Variants in RGS7 observed in about 807,000 individuals in gnomAD.
The protein encoded by RGS7 is regulator of G protein signaling 7, also known as regulator of G-protein signaling 7.
RGS7 carries 27 observed loss-of-function variants against 81.1 expected under a neutral mutation model. That is an observed-to-expected ratio of 0.33 (90% CI 0.25 to 0.46). The LOEUF (loss-of-function observed/expected upper bound fraction) is 0.46, where lower values mean the gene tolerates loss of function less well. Ranked by LOEUF, RGS7 falls within the 20% of genes least tolerant of loss-of-function variation. The pLI, the probability that RGS7 is intolerant of heterozygous loss-of-function variation, is 1.00. For synonymous variants in RGS7, 208 were observed against 207.7 expected (o/e 1.00, Z -0.01); for missense variants, 396 against 607.4 (o/e 0.65, Z 3.66).
At chr1:240,814,168 T>C (rs934273635) in intron 12 of RGS7, among the ~76,000 whole-genome samples, 1 of 152,188 alleles carries the variant, frequency 6.6e-6, no homozygotes, top group African/African-American at 2.4e-5. Context: ...GTTTTTTAAA[T>C]GTATATAAAA....
intron 2 of RGS7, among the ~76,000 whole-genome samples, chr1:241,154,882 G>A (rs1249948308): frequency 6.6e-6 from 1 of 151,866 alleles, no homozygotes; most frequent in East Asian, 1.9e-4. Flanking sequence ...AACGGTGAGA[G>A]CAACCTGCAA....
intron 3 of RGS7, among the ~76,000 whole-genome samples, chr1:241,087,809 C>T (rs1481604912): frequency 2.0e-5 from 3 of 151,632 alleles, no homozygotes; most frequent in East Asian, 1.9e-4. Flanking sequence ...ATTAGCTGGG[C>T]GTGGCAGTGC....
At chr1:241,157,821 CTTTTTTT>C (rs67249227) in intron 2 of RGS7, among the ~76,000 whole-genome samples, 1 of 94,714 alleles carries the variant, frequency 1.1e-5, no homozygotes, top group East Asian at 5.0e-4. Flanking sequence ...CTTTTCTTTT[CTTTTTTT>C]TTTTTTTTGA....
At chr1:240,937,091 C>A (rs1313524294) in intron 4 of RGS7, among the ~76,000 whole-genome samples, 1 of 152,164 alleles carries the variant, frequency 6.6e-6, no homozygotes, top group Non-Finnish European at 1.5e-5. Context: ...AAACGGACAG[C>A]CTCTCCCTTC....
At chr1:240,882,713 T>C (rs1666615443) in intron 6 of RGS7, among the ~76,000 whole-genome samples, 1 of 152,174 alleles carries the variant, frequency 6.6e-6, no homozygotes, top group Non-Finnish European at 1.5e-5. Flanking sequence ...TCCATTTTTT[T>C]TCATTTCTGA....
intron 4 of RGS7, among the ~76,000 whole-genome samples, chr1:240,968,607 A>T (rs2148500242): frequency 6.6e-6 from 1 of 152,180 alleles, no homozygotes; most frequent in Non-Finnish European, 1.5e-5. Context: ...TTAAAGGGGA[A>T]TTTTCAAAAT....
At chr1:240,978,851 G>A (rs1202450593) in intron 4 of RGS7, among the ~76,000 whole-genome samples, 4 of 152,092 alleles carry the variant, frequency 2.6e-5, no homozygotes, top group African/African-American at 9.7e-5. Flanking sequence ...AAACCCTCAG[G>A]AAAGCACTAA....
At chr1:240,805,013 T>C (rs1220523339) in intron 15 of RGS7, among the ~76,000 whole-genome samples, 1 of 152,196 alleles carries the variant, frequency 6.6e-6, no homozygotes, top group East Asian at 1.9e-4. Flanking sequence ...TTAGAATTAA[T>C]ATTCTTCTCC....
In RGS7 at chr1:240,833,987, C is replaced by A. The variant is rs111871275; in HGVS notation, c.610-6815G>T. Among the ~76,000 whole-genome samples, 715 of 152,222 alleles carry A rather than the reference C, an allele frequency of 4.7e-3. 9 individuals carry two copies. Among genetic ancestry groups the A allele is most frequent in the African/African-American group, 0.017 (693 of 41,534 alleles). ...TTTTTAGTAGAGACAGGGTCTTGCT[C>A]CGTTGCCCAGGCTGGTCTCCAACTC... On this transcript the variant is annotated intron_variant, in intron 9 of 18. Transcript: ENST00000440928.
At chr1:241,074,790 T>G (rs2502411) in intron 3 of RGS7, among the ~76,000 whole-genome samples, 4,075 of 152,220 alleles carry the variant, frequency 0.027, 185 homozygotes, top group African/African-American at 0.093. Context: ...CAAGGAAATG[T>G]TGCCAGGAAA....
At chr1:241,202,554 C>T (rs761452216) in intron 2 of RGS7, among the ~76,000 whole-genome samples, 2 of 152,066 alleles carry the variant, frequency 1.3e-5, no homozygotes, top group African/African-American at 2.4e-5. Flanking sequence ...TGTTGAAACA[C>T]GATTGGGCAA....
rs547594458 is a variant in RGS7 at position 241,163,708 on chromosome 1, T to C, written c.79-64946A>G. On this transcript the variant is annotated intron_variant, in intron 2 of 18. Transcript: ENST00000440928. The surrounding 1 kb of genome is among the most constrained non-coding windows in gnomAD (Gnocchi z 4.6). The stretch of plus-strand genomic sequence containing the variant: ...CCCCATTCTTTCTGCAACCTCAAGA[T>C]GGTACATAAGCTTCTGAACCCCACT... 6.6e-6 allele frequency among the ~76,000 whole-genome samples: 1 copy of C among 152,304 alleles called. No individual in the cohort carries two copies. The highest frequency in any genetic ancestry group is 6.5e-5 in the Admixed American group (1 of 15,284).
intron 18 of RGS7, among the ~76,000 whole-genome samples, chr1:240,793,710 C>T (rs868580230): frequency 5.4e-5 from 8 of 149,498 alleles, no homozygotes; most frequent in African/African-American, 9.9e-5. Context: ...TCCCGGTTCA[C>T]GCCATTCTCC....
chr1:241,019,710 C>A (rs1027640170), intron 3 of RGS7, among the ~76,000 whole-genome samples: 1 of 152,184 alleles, frequency 6.6e-6, no homozygotes, highest in African/African-American at 2.4e-5. Flanking sequence ...TGGCTGCATA[C>A]TATTCTATGG....
chr1:241,224,063 A>AAC (rs1553290931), intron 2 of RGS7, among the ~76,000 whole-genome samples: 1 of 147,022 alleles, frequency 6.8e-6, no homozygotes, highest in Non-Finnish European at 1.5e-5. Context: ...ACTGGTGACC[A>AAC]ATATATATAT....
At chr1:240,962,316 C>T (rs1292996854) in intron 4 of RGS7, among the ~76,000 whole-genome samples, 1 of 152,156 alleles carries the variant, frequency 6.6e-6, no homozygotes, top group Admixed American at 6.5e-5. Context: ...TCTCCGGCTC[C>T]TGACCTAGTT....
intron 3 of RGS7, among the ~76,000 whole-genome samples, chr1:241,015,495 A>G (rs1269289991): frequency 6.6e-6 from 1 of 152,214 alleles, no homozygotes; most frequent in Non-Finnish European, 1.5e-5. Flanking sequence ...ATTGACCATT[A>G]TAGCTTCATT....
rs552016688 is a variant in RGS7, at chr1:240,870,905, G to A, written c.386-786C>T. On this transcript the variant is annotated intron_variant, in intron 6 of 18. Coordinates refer to ENST00000440928, the MANE Select transcript of RGS7 (RefSeq NM_001364886.1). ...ATTTCACAAGAGCCAATCTTCCATC[G>A]TTTTGTCACTAGGAGAAGGGTATCA... Among the ~76,000 whole-genome samples the A allele has an allele frequency of 1.1e-4, 17 of 152,208 alleles. No homozygotes were observed. In the East Asian group the frequency reaches 1.9e-3, roughly 17 times the overall value.
intron 2 of RGS7, among the ~76,000 whole-genome samples, chr1:241,284,589 C>G (rs973010334): frequency 6.6e-6 from 1 of 152,158 alleles, no homozygotes; most frequent in Non-Finnish European, 1.5e-5. Context: ...GATTCAAGTC[C>G]AGCTATCCAC....
Sources: gnomAD v4.1 joint callset for allele counts (sites outside exome capture counted in the v4.1 genomes callset) on GRCh38, gnomAD v4.1.1 for gene constraint, Gnocchi (gnomAD v3.1) non-coding constraint, MANE v1.5 for transcripts, NCBI Gene and HGNC (gene_info 2026-07-23, HGNC 2026-07-21) for gene names.